ENOX1: variants seen among roughly 807,000 people sequenced by gnomAD.
The protein encoded by ENOX1 is ecto-NOX disulfide-thiol exchanger 1, also known as candidate growth-related and time keeping constitutive hydroquinone (NADH) oxidase.
Under a neutral mutation model 82.5 loss-of-function variants are expected in ENOX1, and 42 were observed. The observed-to-expected ratio is 0.51, with a 90% confidence interval of 0.40 to 0.66. ENOX1 has a LOEUF of 0.66. ENOX1 is among the 30% of genes least tolerant of loss of function. ENOX1 has a pLI of 0.00. For missense variants in ENOX1, 608 were observed against 811.6 expected (o/e 0.75, Z 3.05); for synonymous variants, 271 against 282.2 (o/e 0.96, Z 0.40).
intron 11 of ENOX1, among the ~76,000 whole-genome samples, chr13:43,305,072 A>T (rs1004636333): frequency 2.0e-5 from 3 of 152,140 alleles, no homozygotes; most frequent in Admixed American, 6.5e-5. Flanking sequence ...AGATTAACAG[A>T]GGCTTGGGGT....
intron 9 of ENOX1, among the ~76,000 whole-genome samples, chr13:43,340,713 G>A (rs2048999876): frequency 6.6e-6 from 1 of 152,170 alleles, no homozygotes; most frequent in African/African-American, 2.4e-5. Flanking sequence ...TTGAAACCTT[G>A]TTTCCTGCAG....
chr13:43,490,528 T>C (rs2076583912), intron 2 of ENOX1, among the ~76,000 whole-genome samples: 1 of 152,146 alleles, frequency 6.6e-6, no homozygotes, highest in African/African-American at 2.4e-5. Context: ...GTGTTGGCAA[T>C]GTGATATTAT....
Position 43,214,056 on chromosome 13 carries a change from C to G in ENOX1, c.1866G>C (p.Thr622=). 1.2e-6 allele frequency: 2 copies of G among 1,613,620 alleles called. No individual in the cohort carries two copies. Among genetic ancestry groups the G allele is most frequent in the Middle Eastern group, 3.3e-4 (2 of 6,058 alleles). Residue 622 remains threonine (T), a synonymous_variant, in exon 17 of 17, where the codon ACG becomes ACC. Transcript: ENST00000690772. ...RLPRMFKQEF[T]GVGATLEKRW... ...TTTTTTCCAGCGTGGCTCCCACACC[C>G]GTGAATTCCTGTTTGAACATGCGTG...
At chr13:43,584,739 G>A (rs2080899756) in intron 2 of ENOX1, among the ~76,000 whole-genome samples, 1 of 152,122 alleles carries the variant, frequency 6.6e-6, no homozygotes, top group African/African-American at 2.4e-5. Flanking sequence ...CAAAGAAGTC[G>A]ACATCACCAG....
intron 2 of ENOX1, among the ~76,000 whole-genome samples, chr13:43,610,212 T>C (rs2082139725): frequency 1.3e-5 from 2 of 152,216 alleles, no homozygotes; most frequent in Non-Finnish European, 2.9e-5. Flanking sequence ...GCTCTTGGCA[T>C]TTATGTAATA....
intron 1 of ENOX1, among the ~76,000 whole-genome samples, chr13:43,745,202 G>A (rs960737259): frequency 3.9e-5 from 6 of 152,140 alleles, no homozygotes; most frequent in Non-Finnish European, 8.8e-5. Flanking sequence ...GAAGCATCAT[G>A]AGACGGAACA....
At chr13:43,615,030 T>TG (rs745562493) in intron 2 of ENOX1, among the ~76,000 whole-genome samples, 2 of 152,130 alleles carry the variant, frequency 1.3e-5, no homozygotes, top group Non-Finnish European at 2.9e-5. Flanking sequence ...CTGTGGAATT[T>TG]GGTGGGGGAT....
chr13:43,284,518 T>C (rs1032718159), intron 12 of ENOX1, among the ~76,000 whole-genome samples: 2 of 152,110 alleles, frequency 1.3e-5, no homozygotes, highest in East Asian at 1.9e-4. Context: ...TAAATTAAGA[T>C]GGTAATGGTG....
intron 9 of ENOX1, among the ~76,000 whole-genome samples, chr13:43,338,334 A>T (rs558043833): frequency 7.9e-5 from 12 of 152,328 alleles, no homozygotes; most frequent in Non-Finnish European, 1.8e-4. Context: ...TTTAAAAAGC[A>T]AAGATAAAAA....
intron 1 of ENOX1, among the ~76,000 whole-genome samples, chr13:43,776,328 G>A (rs771135982): frequency 1.3e-5 from 2 of 152,140 alleles, no homozygotes; most frequent in African/African-American, 2.4e-5. Context: ...AGAGGTGCTT[G>A]GAAACCACAG....
intron 5 of ENOX1, among the ~76,000 whole-genome samples, chr13:43,397,221 C>A (rs1433259135): frequency 1.3e-5 from 2 of 152,198 alleles, no homozygotes; most frequent in African/African-American, 4.8e-5. Flanking sequence ...TTTTTCCTAC[C>A]CATGACTAGG....
intron 2 of ENOX1, among the ~76,000 whole-genome samples, chr13:43,532,499 G>A (rs2078274081): frequency 6.6e-6 from 1 of 152,032 alleles, no homozygotes; most frequent in African/African-American, 2.4e-5. Context: ...TGCACCGATG[G>A]GGCAAAAGCA....
chr13:43,545,864 T>C (rs1282462330), intron 2 of ENOX1: 1 of 152,232 alleles, frequency 6.6e-6, no homozygotes, highest in East Asian at 1.9e-4. Context: ...TTCAATAAAG[T>C]GATCCACCTT....
intron 14 of ENOX1, among the ~76,000 whole-genome samples, chr13:43,260,812 A>G (rs1278124051): frequency 1.3e-5 from 2 of 152,360 alleles, no homozygotes; most frequent in South Asian, 2.1e-4. Context: ...TTTGCTTTCC[A>G]GGAAAGAAAA....
chr13:43,713,220 G>A (rs1232582441), intron 1 of ENOX1, among the ~76,000 whole-genome samples: 1 of 152,180 alleles, frequency 6.6e-6, no homozygotes, highest in Admixed American at 6.5e-5. Context: ...TACATTTATT[G>A]ATTTGTGTAT....
At chr13:43,326,263 G>A (rs977634073) in intron 10 of ENOX1, among the ~76,000 whole-genome samples, 156 bp downstream of exon 10, 2 of 152,196 alleles carry the variant, frequency 1.3e-5, no homozygotes, top group African/African-American at 4.8e-5. Context: ...TTCTGGACAA[G>A]GAACAAATCT....
intron 1 of ENOX1, among the ~76,000 whole-genome samples, chr13:43,717,333 A>G (rs2088216039): frequency 6.6e-6 from 1 of 152,244 alleles, no homozygotes; most frequent in Admixed American, 6.5e-5. Context: ...ATAACTGGCT[A>G]GCCATATGCA....
chr13:43,520,354 C>T (rs980860786), intron 2 of ENOX1, among the ~76,000 whole-genome samples: 2 of 152,088 alleles, frequency 1.3e-5, no homozygotes, highest in East Asian at 1.9e-4. Flanking sequence ...AGTCAATCTG[C>T]ACACACACAC....
intron 2 of ENOX1, among the ~76,000 whole-genome samples, chr13:43,644,718 T>C (rs2083813990): frequency 6.6e-6 from 1 of 152,226 alleles, no homozygotes; most frequent in African/African-American, 2.4e-5. Flanking sequence ...ATAAGAAAGC[T>C]GAGGCTCATC....
Sources: gnomAD v4.1 joint callset for allele counts (sites outside exome capture counted in the v4.1 genomes callset) on GRCh38, gnomAD v4.1.1 for gene constraint, MANE v1.5 for transcripts, NCBI Gene and HGNC (gene_info 2026-07-23, HGNC 2026-07-21) for gene names.